Variants in GLRX3 observed in about 807,000 individuals in gnomAD.
The protein encoded by GLRX3 is glutaredoxin-3.
A neutral mutation model predicts 49.5 loss-of-function variants in GLRX3; 22 were observed. The ratio of observed to expected loss-of-function variants is 0.44; its 90% CI spans 0.32 to 0.63. The LOEUF (loss-of-function observed/expected upper bound fraction) is 0.63. Ranked by LOEUF, GLRX3 falls within the 30% of genes least tolerant of loss-of-function variation. The probability of loss-of-function intolerance (pLI) is 0.05; values close to 1 mark genes in which losing one functional copy is unlikely to be tolerated. For synonymous variants in GLRX3, 133 were observed against 140.0 expected, an observed-to-expected ratio of 0.95 and a Z score of 0.35; for missense variants, 385 against 396.3, an observed-to-expected ratio of 0.97 and a Z score of 0.24.
At chr10:130,146,786 A>G (rs16910127) in intron 2 of GLRX3, among the ~76,000 whole-genome samples, 13,170 of 152,252 alleles carry the variant, frequency 0.087, 913 homozygotes, top group African/African-American at 0.19. Context: ...AATAACATCA[A>G]CTGTATTGGT....
At position 130,145,212 on chromosome 10, in the gene GLRX3, T is replaced by G; in HGVS notation, c.94T>G (p.Ser32Ala). 1 of 1,277,266 alleles carries G rather than the reference T, an allele frequency of 7.8e-7. No individual in the cohort carries two copies. The highest frequency in any genetic ancestry group is 1.1e-6 in the Non-Finnish European group (1 of 895,170). The allele number at this position is 1,277,266 out of a possible 1,614,324, so 79.1% of individuals were successfully genotyped here. ...TAAATGCATTTAATTGATTTACAGGTCCCTCCTTGTGGTCCATTTCTGGGC... is the reference window on the plus strand; with the variant it reads ...TAAATGCATTTAATTGATTTACAGGGCCCTCCTTGTGGTCCATTTCTGGGC... ...FEELLRLKAK[S>A]LLVVHFWAPW... Residue 32 changes from serine to alanine, a missense_variant and splice_region_variant, in exon 2 of 11, where the codon TCC becomes GCC. Physicochemically the swap from Ser to Ala is moderately conservative, Grantham distance 99. Coordinates refer to ENST00000331244, the MANE Select transcript of GLRX3 (RefSeq NM_006541.5).
rs1862695165 is a variant in GLRX3, at chr10:130,166,574, C to G, written c.546C>G (p.Phe182Leu). The G allele has an allele frequency of 1.2e-6, 2 of 1,610,730 alleles. No homozygotes were observed. Among genetic ancestry groups the G allele is most frequent in the African/African-American group, 2.7e-5 (2 of 74,838 alleles). Reference sequence around the variant, plus strand: ...TTCAGTTTAGCAGTTTTGATATCTTCTCAGATGAAGAGGTTCGACAGGGAC... The same window carrying G: ...TTCAGTTTAGCAGTTTTGATATCTTGTCAGATGAAGAGGTTCGACAGGGAC... ...HNIQFSSFDI[F>L]SDEEVRQGLK... Residue 182 changes from phenylalanine (F) to leucine (L), a missense_variant, in exon 5 of 11, where the codon TTC (phenylalanine) becomes TTG (leucine). Transcript: ENST00000331244.
At chr10:130,139,841 A>AT (rs766353764) in intron 1 of GLRX3, among the ~76,000 whole-genome samples, 2 of 152,012 alleles carry the variant, frequency 1.3e-5, no homozygotes, top group African/African-American at 2.4e-5. Flanking sequence ...AGGTGGGAGG[A>AT]TTGTTTGAGC....
At chr10:130,170,873 C>T (rs1675079534) in intron 7 of GLRX3, among the ~76,000 whole-genome samples, 2 of 152,102 alleles carry the variant, frequency 1.3e-5, no homozygotes, top group Admixed American at 1.3e-4. Flanking sequence ...GTAGCTCATG[C>T]CTGTAATCCC....
chr10:130,148,402 A>G (rs573855108), intron 2 of GLRX3, among the ~76,000 whole-genome samples: 1 of 129,638 alleles, frequency 7.7e-6, no homozygotes, highest in East Asian at 2.6e-4. Flanking sequence ...AAGTGCTCAG[A>G]TTATAGATGT....
chr10:130,164,984 T>C (rs1309547396), intron 4 of GLRX3, among the ~76,000 whole-genome samples: 1 of 152,258 alleles, frequency 6.6e-6, no homozygotes, highest in Non-Finnish European at 1.5e-5. Context: ...ACTTATATGC[T>C]ATACAAATAA....
At chr10:130,143,145 T>C (rs1026694789) in intron 1 of GLRX3, among the ~76,000 whole-genome samples, 21 of 152,218 alleles carry the variant, frequency 1.4e-4, no homozygotes, top group Non-Finnish European at 2.2e-4. Flanking sequence ...TGGAGCCAGC[T>C]GTAGACTGCC....
Position 130,176,050 on chromosome 10 carries a change from G to A in GLRX3, c.957+961G>A, listed in dbSNP as rs558949962. 5.3e-5 allele frequency among the ~76,000 whole-genome samples: 8 copies of A among 152,040 alleles called. No homozygotes were observed. In the South Asian group the frequency reaches 1.7e-3, roughly 32 times the overall value. ...GAGAATTTTCTGAGGTCAGATCTTC[G>A]ACTTTTTATGTGGAAAACAAATAGC... On this transcript the variant is annotated intron_variant, in intron 10 of 10. Coordinates refer to ENST00000331244, the MANE Select transcript of GLRX3 (RefSeq NM_006541.5).
chr10:130,174,308 C>T (rs1044548142), intron 8 of GLRX3, among the ~76,000 whole-genome samples: 2 of 152,232 alleles, frequency 1.3e-5, no homozygotes, highest in East Asian at 1.9e-4. Context: ...TCCTGCTGCA[C>T]GGGCAGCTTC....
intron 2 of GLRX3, among the ~76,000 whole-genome samples, chr10:130,157,971 G>C (rs894513223): frequency 1.3e-5 from 2 of 152,146 alleles, no homozygotes; most frequent in African/African-American, 4.8e-5. Context: ...TAGGACTTCA[G>C]ATGCCCTTGA....
intron 10 of GLRX3, among the ~76,000 whole-genome samples, chr10:130,176,759 TCC>T (rs1862929051): frequency 1.3e-4 from 7 of 54,662 alleles, no homozygotes; most frequent in African/African-American, 5.0e-4. Context: ...CTTCCCTCCC[TCC>T]CTCCCTCCCT....
intron 7 of GLRX3, among the ~76,000 whole-genome samples, chr10:130,170,394 A>G (rs1031663953): frequency 6.6e-6 from 1 of 152,240 alleles, no homozygotes; most frequent in African/African-American, 2.4e-5. Context: ...TGCCATAACT[A>G]GTGTATAAGT....
Position 130,174,853 on chromosome 10 carries a change from T to G in GLRX3, c.825-14T>G. 1 of 1,528,074 alleles carries G rather than the reference T, an allele frequency of 6.5e-7. No individual in the cohort carries two copies. The highest frequency in any genetic ancestry group is 9.1e-7 in the Non-Finnish European group (1 of 1,102,266). 94.7% of individuals were successfully genotyped at this position (1,528,074 alleles called of 1,614,324 possible). On this transcript the variant is annotated splice_polypyrimidine_tract_variant and intron_variant, in intron 8 of 10. Transcript: ENST00000331244. ...AACTGTATTTCCAGTTAAAATGTCT[T>G]CTCTTTTTTGCAGTGTTGAATATGA...
Position 130,145,292 on chromosome 10 carries a change from A to G in GLRX3, c.174A>G (p.Lys58=). The G allele has an allele frequency of 6.6e-7, 1 of 1,504,132 alleles. No individual in the cohort carries two copies. Among genetic ancestry groups the G allele is most frequent in the Non-Finnish European group, 9.3e-7 (1 of 1,080,010 alleles). The allele number at this position is 1,504,132 out of a possible 1,614,324, so 93.2% of individuals were successfully genotyped here. The change falls in exon 2 of 11, where the codon AAA becomes AAG. Residue 58 remains lysine, a synonymous_variant. Transcript: ENST00000331244. ...ACGAAGTTATGGCAGAGTTAGCTAA[A>G]GAACTCCCTCAAGTTTCATTTGTGA... ...QMNEVMAELA[K]ELPQVSFVKL...
chr10:130,171,684 G>A (rs773391281), intron 8 of GLRX3, 48 bp downstream of exon 8: 10 of 998,156 alleles, frequency 1.0e-5, no homozygotes, highest in Non-Finnish European at 1.3e-5. Flanking sequence ...ATTCCAACCT[G>A]GCCAGGCGTA....
chr10:130,140,659 A>G (rs73389568), intron 1 of GLRX3, among the ~76,000 whole-genome samples: 7,820 of 152,258 alleles, frequency 0.051, 415 homozygotes, highest in African/African-American at 0.13. Context: ...TTCAGTTTCT[A>G]TGGCATACTT....
At chr10:130,160,224 T>C (rs1862548323) in intron 3 of GLRX3, among the ~76,000 whole-genome samples, 155 bp downstream of exon 3, 1 of 152,202 alleles carries the variant, frequency 6.6e-6, no homozygotes, top group East Asian at 1.9e-4. Context: ...TTTGCACCGA[T>C]GCTGAGAAAG....
intron 10 of GLRX3, among the ~76,000 whole-genome samples, chr10:130,176,307 A>T (rs955382353): frequency 6.6e-6 from 1 of 152,010 alleles, no homozygotes; most frequent in African/African-American, 2.4e-5. Flanking sequence ...TTTAGTAGAG[A>T]TGGGGTTTCA....
chr10:130,138,268 G>C (rs1862104611), intron 1 of GLRX3, among the ~76,000 whole-genome samples: 1 of 152,112 alleles, frequency 6.6e-6, no homozygotes, highest in Non-Finnish European at 1.5e-5. Context: ...TGTTGCCCAG[G>C]CTGGTCTCTG....
Sources: gnomAD v4.1 joint callset for allele counts (sites outside exome capture counted in the v4.1 genomes callset) on GRCh38, gnomAD v4.1.1 for gene constraint, MANE v1.5 for transcripts, NCBI Gene and HGNC (gene_info 2026-07-23, HGNC 2026-07-21) for gene names.